Variants in SUPT7L observed in about 807,000 individuals in gnomAD.
SUPT7L encodes SPT7 like, STAGA complex subunit gamma.
Under a neutral mutation model 35.7 loss-of-function variants are expected in SUPT7L, and 15 were observed. That is an observed-to-expected ratio of 0.42 (90% confidence interval 0.28 to 0.65). SUPT7L has a LOEUF of 0.65. Among genes scored for constraint, SUPT7L ranks in the 30% least tolerant of loss-of-function variants. SUPT7L has a pLI of 0.23. For synonymous variants in SUPT7L, 168 were observed against 186.2 expected (o/e 0.90, Z 0.79); for missense variants, 434 against 522.2 (o/e 0.83, Z 1.65).
In SUPT7L at chr2:27,657,439, T is replaced by C; in HGVS notation, c.650A>G (p.Glu217Gly). 1 of 1,614,222 alleles carries C rather than the reference T, an allele frequency of 6.2e-7. No homozygotes were observed. Among genetic ancestry groups the C allele is most frequent in the Non-Finnish European group, 8.5e-7 (1 of 1,180,050 alleles). ...AATACCCACTTCATGGAATACCTGC[T>C]CCATCACATCAGGAAAAGGAGTCTG... Reference protein sequence around the residue: ...LGQTPFPDVMEQVFHEVGIGS... With the variant: ...LGQTPFPDVMGQVFHEVGIGS... The change falls in exon 4 of 6, where the codon GAG becomes GGG. Residue 217 changes from glutamate (E) to glycine (G), a missense_variant. This residue lies in a region of SUPT7L where 198 missense variants were observed against 190.8 expected (regional missense o/e 1.04). Coordinates refer to ENST00000337768, the MANE Select transcript of SUPT7L (RefSeq NM_014860.3). This position sits in a 1 kb window ranked among gnomAD's most constrained non-coding sequence, Gnocchi z 5.2.
chr2:27,646,805 ATATC>A (rs1674255548), downstream of SUPT7L, among the ~76,000 whole-genome samples: 1 of 151,934 alleles, frequency 6.6e-6, no homozygotes, highest in African/African-American at 2.4e-5. Flanking sequence ...TTATTGCTCT[ATATC>A]TAGTAGAGAA....
chr2:27,650,252 C>A, downstream of SUPT7L: 1 of 1,040,986 alleles, frequency 9.6e-7, no homozygotes, highest in Non-Finnish European at 1.5e-6. Context: ...TTTGGACCTC[C>A]ACGTGAAAGA....
downstream of SUPT7L, among the ~76,000 whole-genome samples, chr2:27,649,398 A>G (rs930677001): frequency 2.0e-5 from 3 of 152,188 alleles, no homozygotes; most frequent in African/African-American, 7.2e-5. Context: ...GTAGTTTACC[A>G]ACAGTGAAAC....
chr2:27,661,391 C>T lies in SUPT7L; in HGVS notation c.15-3G>A, dbSNP rs1382378880. 20 of 1,613,214 alleles carry T rather than the reference C, an allele frequency of 1.2e-5. No homozygotes were observed. The highest frequency in any genetic ancestry group is 1.6e-5 in the Non-Finnish European group (19 of 1,179,988). ...ATATTGGTATCTCTCCCCAGTATCT[C>T]AACATTTTGGAATAAGAAGAGAAGA... On this transcript the variant is annotated splice_polypyrimidine_tract_variant and splice_region_variant and intron_variant, in intron 2 of 5. Coordinates refer to ENST00000337768, the MANE Select transcript of SUPT7L (RefSeq NM_014860.3).
At chr2:27,646,344 A>C (rs1332190611), downstream of SUPT7L, among the ~76,000 whole-genome samples, 1 of 152,200 alleles carries the variant, frequency 6.6e-6, no homozygotes, top group Non-Finnish European at 1.5e-5. Flanking sequence ...GCCCAGCCCC[A>C]GCTTGAAATT....
At position 27,653,744 on chromosome 2, in the gene SUPT7L, G is replaced by A; in HGVS notation, c.986C>T (p.Ala329Val). The A allele has an allele frequency of 6.2e-7, 1 of 1,614,180 alleles. No homozygotes were observed. Among genetic ancestry groups the A allele is most frequent in the Non-Finnish European group, 8.5e-7 (1 of 1,180,030 alleles). Reference sequence around the variant, plus strand: ...CCAAAGAGGAGAAGCATTTACCTCTGCACCTAGAAACAGAGGAAAGATGGA... The same window carrying A: ...CCAAAGAGGAGAAGCATTTACCTCTACACCTAGAAACAGAGGAAAGATGGA... ...EVEASPQASSAEVNASPLWNL... is the reference protein window; with the variant it reads ...EVEASPQASSVEVNASPLWNL... Residue 329 changes from alanine to valine, a missense_variant, in exon 6 of 6, where the codon GCA (alanine) becomes GTA (valine). Ala to Val is a moderately conservative substitution (Grantham distance 64). Around this residue, in one of 3 missense-constraint regions of SUPT7L, gnomAD observed 159 missense variants for 217.1 expected, o/e 0.73. Transcript: ENST00000337768.
intron 5 of SUPT7L, 31 bp downstream of exon 5, chr2:27,655,334 G>A: frequency 6.7e-7 from 1 of 1,503,384 alleles, no homozygotes; most frequent in Non-Finnish European, 8.9e-7. Context: ...AGATCTCCCA[G>A]AATCAAAGTG....
At chr2:27,647,807 C>T (rs763869500), downstream of SUPT7L, 6 of 1,266,126 alleles carry the variant, frequency 4.7e-6, no homozygotes, top group Non-Finnish European at 6.9e-6. Flanking sequence ...TTTGAGGAGG[C>T]ATATCACTGA....
intron 1 of SUPT7L, among the ~76,000 whole-genome samples, chr2:27,663,034 C>T (rs942252870): frequency 6.7e-6 from 1 of 149,308 alleles, no homozygotes; most frequent in African/African-American, 2.5e-5. Context: ...GCAATCCTCC[C>T]GCCTCAGCCT....
Position 27,657,572 on chromosome 2 carries a change from A to C in SUPT7L, c.517T>G (p.Cys173Gly), listed in dbSNP as rs777622585. Residue 173 changes from cysteine to glycine, a missense_variant, in exon 4 of 6, where the codon TGT (cysteine) becomes GGT (glycine). Physicochemically the swap from Cys to Gly is radical, Grantham distance 159. This residue lies in a region of SUPT7L where 198 missense variants were observed against 190.8 expected (regional missense o/e 1.04). Transcript: ENST00000337768. This position sits in a 1 kb window ranked among gnomAD's most constrained non-coding sequence, Gnocchi z 5.2. ...ATILAHAGFD[C>G]ANESVLETLT... is the part of the protein sequence containing the mutation. ...GTCTCCAGGACACTCTCATTAGCAC[A>C]GTCAAAGCCCGCGTGGGCCAGGATT... The C allele has an allele frequency of 6.2e-7, 1 of 1,614,258 alleles. No homozygotes were observed. Among genetic ancestry groups the C allele is most frequent in the Non-Finnish European group, 8.5e-7 (1 of 1,180,042 alleles).
chr2:27,643,066 AC>A, the SUPT7L span, among the ~76,000 whole-genome samples: 4 of 151,060 alleles, frequency 2.6e-5, no homozygotes, highest in Admixed American at 6.6e-5. This position sits in a 1 kb window ranked among gnomAD's most constrained non-coding sequence, Gnocchi z 4.0. Flanking sequence ...ATACAGCTCT[AC>A]CACTTTGGGT....
chr2:27,644,083 G>GA, the SUPT7L span, among the ~76,000 whole-genome samples: 1 of 152,132 alleles, frequency 6.6e-6, no homozygotes, highest in Non-Finnish European at 1.5e-5. Context: ...GCTGAGGCTG[G>GA]AGAGTCTCTT....
At chr2:27,649,511 T>G (rs1016597911), downstream of SUPT7L, among the ~76,000 whole-genome samples, 1 of 152,094 alleles carries the variant, frequency 6.6e-6, no homozygotes, top group Non-Finnish European at 1.5e-5. Context: ...CCCCCAAAAC[T>G]TCCTCATGCC....
the SUPT7L span, among the ~76,000 whole-genome samples, chr2:27,642,984 C>CAG: frequency 2.0e-5 from 3 of 151,144 alleles, no homozygotes; most frequent in Admixed American, 2.0e-4. Context: ...CACACACACA[C>CAG]ACACACACAC....
In SUPT7L at chr2:27,657,457, G is replaced by T. The variant is rs368138417; in HGVS notation, c.632C>A (p.Pro211His). ...VDREARLGQTPFPDVMEQVFH... is the reference protein window; with the variant it reads ...VDREARLGQTHFPDVMEQVFH... Reference sequence around the variant, plus strand: ...TACCTGCTCCATCACATCAGGAAAAGGAGTCTGTCCCAGCCGGGCCTCCCG... The same window carrying T: ...TACCTGCTCCATCACATCAGGAAAATGAGTCTGTCCCAGCCGGGCCTCCCG... Residue 211 changes from proline to histidine, a missense_variant, in exon 4 of 6, where the codon CCT becomes CAT. Physicochemically the swap from Pro to His is moderately conservative, Grantham distance 77 (BLOSUM62 -2). Transcript: ENST00000337768. The surrounding 1 kb of genome is among the most constrained non-coding windows in gnomAD (Gnocchi z 5.2). 1 of 1,614,262 alleles carries T rather than the reference G, an allele frequency of 6.2e-7. No individual in the cohort carries two copies. The highest frequency in any genetic ancestry group is 1.1e-5 in the South Asian group (1 of 91,092).
At chr2:27,646,908 G>A (rs1674259278), downstream of SUPT7L, among the ~76,000 whole-genome samples, 1 of 152,124 alleles carries the variant, frequency 6.6e-6, no homozygotes, top group African/African-American at 2.4e-5. Flanking sequence ...ACATTTCTAT[G>A]TGCCACAGTC....
the SUPT7L span, among the ~76,000 whole-genome samples, chr2:27,644,548 T>C: frequency 6.6e-6 from 1 of 152,260 alleles, no homozygotes; most frequent in South Asian, 2.1e-4. Context: ...ACCTATTTTT[T>C]TTTATAGATT....
chr2:27,648,436 T>C (rs1674350722), downstream of SUPT7L, among the ~76,000 whole-genome samples: 1 of 152,146 alleles, frequency 6.6e-6, no homozygotes, highest in Non-Finnish European at 1.5e-5. Flanking sequence ...GGTGGGTTGC[T>C]TGAGCCCAGA....
At chr2:27,662,716 G>C (rs1395540350) in intron 1 of SUPT7L, among the ~76,000 whole-genome samples, 1 of 152,144 alleles carries the variant, frequency 6.6e-6, no homozygotes, top group Non-Finnish European at 1.5e-5. Context: ...TCTTGTTACA[G>C]GGCCAGGCAC....
Sources: allele counts gnomAD v4.1 joint callset (sites outside exome capture counted in the v4.1 genomes callset), GRCh38; gene constraint gnomAD v4.1.1; regional missense constraint gnomAD v4.1.1; non-coding constraint Gnocchi (gnomAD v3.1); transcripts MANE v1.5; gene names NCBI Gene and HGNC (gene_info 2026-07-23, HGNC 2026-07-21).